The following SOX6 variants were observed in gnomAD, a reference collection of about 807,000 sequenced individuals.
The protein encoded by SOX6 is SRY-box transcription factor 6.
Under a neutral mutation model 97.8 loss-of-function variants are expected in SOX6, and 11 were observed. The observed-to-expected ratio is 0.11, with a 90% CI of 0.07 to 0.19. The LOEUF (loss-of-function observed/expected upper bound fraction) is 0.19. SOX6 is among the 10% of genes least tolerant of loss of function. The pLI is 1.00. For synonymous variants in SOX6, 360 were observed against 371.4 expected (o/e 0.97, Z 0.35); for missense variants, 810 against 1,039.5 (o/e 0.78, Z 3.04).
intron 15 of SOX6, among the ~76,000 whole-genome samples, chr11:15,974,007 C>A (rs1258714333): frequency 6.6e-6 from 1 of 152,194 alleles, no homozygotes; most frequent in Non-Finnish European, 1.5e-5. Flanking sequence ...AGGAATGAAA[C>A]ATCTACCTAA....
At chr11:16,496,160 A>G (rs1173563957) in intron 4 of SOX6, among the ~76,000 whole-genome samples, 4 of 152,270 alleles carry the variant, frequency 2.6e-5, no homozygotes, top group Admixed American at 6.5e-5. Flanking sequence ...ATGCAAAGAT[A>G]TAGAAACATG....
chr11:16,352,693 G>A (rs373779054), intron 1 of SOX6, among the ~76,000 whole-genome samples: 361 of 152,090 alleles, frequency 2.4e-3, no homozygotes, highest in African/African-American at 8.2e-3. Context: ...CATTCCTGTA[G>A]AATTTTATTT....
chr11:16,303,853 C>A (rs1329166222), intron 3 of SOX6, among the ~76,000 whole-genome samples: 1 of 152,100 alleles, frequency 6.6e-6, no homozygotes, highest in Non-Finnish European at 1.5e-5. Context: ...AAGTGCATAC[C>A]TAAGCATATC....
rs575287350 is a variant in SOX6, at chr11:16,385,936, T to C, written c.-4-44684A>G. ...TCAAACTAAGAGGATAGTTTCATGT[T>C]TGTTGCTGTTGAATTGCCTTGGGCC... On this transcript the variant is annotated intron_variant, in intron 1 of 15. Transcript: ENST00000396356. Among the ~76,000 whole-genome samples, 405 of 152,318 alleles carry C rather than the reference T, an allele frequency of 2.7e-3. 3 individuals carry two copies. The highest frequency in any genetic ancestry group is 6.8e-3 in the Middle Eastern group (2 of 294).
intron 12 of SOX6, among the ~76,000 whole-genome samples, chr11:16,017,218 A>G (rs1854911721): frequency 6.6e-6 from 1 of 152,058 alleles, no homozygotes. Context: ...AGAACATTCA[A>G]CAACACATTC....
chr11:16,656,410 G>C (rs1468633583), intron 3 of SOX6, among the ~76,000 whole-genome samples: 1 of 152,084 alleles, frequency 6.6e-6, no homozygotes, highest in African/African-American at 2.4e-5. Context: ...TACCAGGAGA[G>C]TCTTTATGGT....
At chr11:16,690,723 T>C (rs1423724422) in intron 3 of SOX6, among the ~76,000 whole-genome samples, 1 of 152,214 alleles carries the variant, frequency 6.6e-6, no homozygotes, top group East Asian at 1.9e-4. Flanking sequence ...CCAAGTTGGG[T>C]TACCTGGGAC....
intron 4 of SOX6, among the ~76,000 whole-genome samples, chr11:16,213,870 T>C (rs559858905): frequency 5.9e-5 from 9 of 152,292 alleles, no homozygotes; most frequent in Admixed American, 3.9e-4. Context: ...AAATTTGACA[T>C]AATATTATTT....
At chr11:16,197,114 G>T (rs185665747) in intron 4 of SOX6, among the ~76,000 whole-genome samples, 1 of 152,136 alleles carries the variant, frequency 6.6e-6, no homozygotes, top group African/African-American at 2.4e-5. Context: ...GATTACAGGC[G>T]GGAGCCACCA....
intron 6 of SOX6, among the ~76,000 whole-genome samples, chr11:16,138,225 G>A (rs1850025337): frequency 6.6e-6 from 1 of 152,302 alleles, no homozygotes; most frequent in South Asian, 2.1e-4. Flanking sequence ...ATAAGTGCTA[G>A]ATAGTTCCAT....
At chr11:16,523,006 A>T (rs1205946016) in intron 4 of SOX6, among the ~76,000 whole-genome samples, 5 of 152,168 alleles carry the variant, frequency 3.3e-5, no homozygotes, top group Non-Finnish European at 7.4e-5. Context: ...CTACAAAGAG[A>T]CTTAGACTCC....
intron 3 of SOX6, among the ~76,000 whole-genome samples, chr11:16,238,204 C>G (rs1025656733): frequency 3.3e-5 from 5 of 151,910 alleles, no homozygotes; most frequent in Admixed American, 6.6e-5. Context: ...ATAATTTAAG[C>G]AAGGATGTAA....
intron 1 of SOX6, among the ~76,000 whole-genome samples, chr11:16,354,927 A>T (rs1416287467): frequency 2.0e-5 from 3 of 151,970 alleles, no homozygotes; most frequent in African/African-American, 7.2e-5. Context: ...CAGGTCTAAA[A>T]TCAAGTTGCT....
At chr11:16,405,320 T>C (rs1858661653) in intron 1 of SOX6, among the ~76,000 whole-genome samples, 1 of 151,916 alleles carries the variant, frequency 6.6e-6, no homozygotes, top group African/African-American at 2.4e-5. Flanking sequence ...TACATTGTGG[T>C]GAGGAAAAGA....
intron 3 of SOX6, among the ~76,000 whole-genome samples, chr11:16,630,095 C>T (rs1444103670): frequency 6.6e-6 from 1 of 151,682 alleles, no homozygotes; most frequent in Non-Finnish European, 1.5e-5. Context: ...CATTCAGTTT[C>T]ACTCAGATTT....
At chr11:16,505,865 A>G (rs1255322068) in intron 4 of SOX6, among the ~76,000 whole-genome samples, 2 of 152,226 alleles carry the variant, frequency 1.3e-5, no homozygotes, top group African/African-American at 2.4e-5. Context: ...CAAGGTGTTA[A>G]GCCTGCAGGT....
intron 6 of SOX6, among the ~76,000 whole-genome samples, chr11:16,146,688 C>T (rs1337340840): frequency 6.6e-6 from 1 of 152,120 alleles, no homozygotes; most frequent in Admixed American, 6.5e-5. Flanking sequence ...AAAAAGTGGG[C>T]AAAGGATATG....
At chr11:16,119,081 A>G (rs1849425435) in intron 6 of SOX6, among the ~76,000 whole-genome samples, 1 of 152,058 alleles carries the variant, frequency 6.6e-6, no homozygotes, top group South Asian at 2.1e-4. Context: ...TTTCGAAATG[A>G]CCATATTCAT....
At chr11:16,459,758 G>C (rs1459745686) in intron 1 of SOX6, among the ~76,000 whole-genome samples, 1 of 151,864 alleles carries the variant, frequency 6.6e-6, no homozygotes, top group East Asian at 1.9e-4. Flanking sequence ...CTTATAAATA[G>C]AAACAATCTA....
Sources: allele counts gnomAD v4.1 joint callset (sites outside exome capture counted in the v4.1 genomes callset), GRCh38; gene constraint gnomAD v4.1.1; transcripts MANE v1.5; gene names NCBI Gene and HGNC (gene_info 2026-07-23, HGNC 2026-07-21).